PARN: variants seen among roughly 807,000 people sequenced by gnomAD.
PARN encodes the protein poly(A)-specific ribonuclease PARN.
Under a neutral mutation model 102.8 loss-of-function variants are expected in PARN, and 71 were observed. The ratio of observed to expected loss-of-function variants is 0.69; its 90% CI spans 0.57 to 0.84. The LOEUF (loss-of-function observed/expected upper bound fraction) is 0.84. PARN is among the 40% of genes least tolerant of loss of function. The pLI, the probability that PARN is intolerant of heterozygous loss-of-function variation, is 0.00. For synonymous variants in PARN, 261 were observed against 252.9 expected (o/e 1.03, Z -0.30); for missense variants, 782 against 760.9 (o/e 1.03, Z -0.33).
At chr16:14,514,096 A>C (rs1413715513) in intron 21 of PARN, among the ~76,000 whole-genome samples, 3 of 152,236 alleles carry the variant, frequency 2.0e-5, no homozygotes, top group Non-Finnish European at 4.4e-5. Flanking sequence ...GTATGGACAA[A>C]AGGAAACAAT....
chr16:14,543,120 T>C (rs767779393), intron 21 of PARN, among the ~76,000 whole-genome samples: 1 of 152,172 alleles, frequency 6.6e-6, no homozygotes, highest in African/African-American at 2.4e-5. Flanking sequence ...ACAATTCAAA[T>C]GACACAAACA....
At chr16:14,547,245 T>A (rs1192834595) in intron 21 of PARN, among the ~76,000 whole-genome samples, 1 of 152,118 alleles carries the variant, frequency 6.6e-6, no homozygotes, top group South Asian at 2.1e-4. Flanking sequence ...TAATGCTAAA[T>A]GCACAGCTTG....
At chr16:14,468,222 C>T (rs1190248472) in intron 22 of PARN, among the ~76,000 whole-genome samples, 5 of 152,168 alleles carry the variant, frequency 3.3e-5, no homozygotes, top group Non-Finnish European at 5.9e-5. Flanking sequence ...GGTTTTGTGA[C>T]TCTGAGCAAG....
At chr16:14,501,511 T>TAGAAA (rs1380053700) in intron 21 of PARN, 1 of 103,082 alleles carries the variant, frequency 9.7e-6, no homozygotes, top group Non-Finnish European at 2.1e-5. Flanking sequence ...GCATGAAAAA[T>TAGAAA]AGAAAAGAAA....
intron 5 of PARN, among the ~76,000 whole-genome samples, chr16:14,625,469 C>G (rs962891594): frequency 2.0e-5 from 3 of 152,052 alleles, no homozygotes; most frequent in Non-Finnish European, 4.4e-5. Flanking sequence ...CACACTCTAG[C>G]CTGGACAAGA....
Position 14,584,712 on chromosome 16 carries a change from T to C in PARN, c.1005+37A>G, listed in dbSNP as rs199506052. The C allele has an allele frequency of 1.3e-5, 19 of 1,445,704 alleles. 1 individual carries two copies. The highest frequency in any genetic ancestry group is 1.7e-4 in the Middle Eastern group (1 of 5,732). The allele number at this position is 1,445,704 out of a possible 1,614,324, so 89.6% of individuals were successfully genotyped here. ...TTCTGGCATTCATTTCACTCAGTAA[T>C]ATGCAGTCGCTTTATAAAGTAGCAA... is the stretch of plus-strand genomic sequence containing the variant. On this transcript the variant is annotated intron_variant, in intron 15 of 23. Transcript: ENST00000437198.
intron 12 of PARN, among the ~76,000 whole-genome samples, chr16:14,597,901 T>C (rs1329788839): frequency 3.9e-5 from 6 of 152,034 alleles, no homozygotes; most frequent in Non-Finnish European, 5.9e-5. Flanking sequence ...CCCAGTATCT[T>C]GGGAGGCTGA....
intron 22 of PARN, among the ~76,000 whole-genome samples, chr16:14,473,999 T>C (rs1305558347): frequency 6.6e-6 from 1 of 152,116 alleles, no homozygotes; most frequent in Non-Finnish European, 1.5e-5. Context: ...GGGCCAATGA[T>C]TCTTTTTTTT....
Position 14,584,196 on chromosome 16 carries a change from A to G in PARN, c.1081+151T>C, listed in dbSNP as rs140221213. On this transcript the variant is annotated intron_variant, in intron 16 of 23. Coordinates refer to ENST00000437198, the MANE Select transcript of PARN (RefSeq NM_002582.4). ...TTAAAAGACCATCTTTATTCAAAAA[A>G]CAATAATTCAACACACGGTACGTGC... 4.3e-3 allele frequency: 2,151 copies of G among 498,872 alleles called. 14 individuals are homozygous for G. The highest frequency in any genetic ancestry group is 0.013 in the Middle Eastern group (30 of 2,336). The allele number at this position is 498,872 out of a possible 1,614,324, so 30.9% of individuals were successfully genotyped here. A position where few individuals can be genotyped will look rare whatever the true frequency, so the allele number is the denominator to read the frequency against.
chr16:14,601,114 G>A (rs1269295103), intron 11 of PARN, among the ~76,000 whole-genome samples: 1 of 152,050 alleles, frequency 6.6e-6, no homozygotes, highest in South Asian at 2.1e-4. Flanking sequence ...TCCATTTCTG[G>A]GTATATACCC....
chr16:14,499,336 G>C (rs1048507210), intron 21 of PARN, among the ~76,000 whole-genome samples: 1 of 152,170 alleles, frequency 6.6e-6, no homozygotes, highest in Non-Finnish European at 1.5e-5. Context: ...GGGAGAGAGC[G>C]GGACAGAGAG....
intron 23 of PARN, 125 bp downstream of exon 23, chr16:14,446,763 G>T: frequency 1.6e-6 from 1 of 616,506 alleles, no homozygotes; most frequent in Non-Finnish European, 2.8e-6. Flanking sequence ...TATCTGCTTT[G>T]GTGGAAGACT....
intron 5 of PARN, among the ~76,000 whole-genome samples, chr16:14,623,219 T>C (rs999758783): frequency 2.0e-5 from 3 of 151,056 alleles, no homozygotes; most frequent in South Asian, 2.1e-4. Context: ...GAAAAGGATA[T>C]AAGAAGGGAA....
At chr16:14,531,056 T>A (rs1028732058) in intron 21 of PARN, among the ~76,000 whole-genome samples, 1 of 152,002 alleles carries the variant, frequency 6.6e-6, no homozygotes, top group African/African-American at 2.4e-5. Context: ...CAGCTTACAT[T>A]TGTCAAAAGG....
intron 11 of PARN, among the ~76,000 whole-genome samples, chr16:14,603,210 G>A (rs1283274875): frequency 6.6e-6 from 1 of 152,202 alleles, no homozygotes; most frequent in Middle Eastern, 3.4e-3. Flanking sequence ...TTACAGTCAT[G>A]AGCCATCACA....
At chr16:14,464,262 A>G (rs1306430093) in intron 22 of PARN, among the ~76,000 whole-genome samples, 2 of 152,242 alleles carry the variant, frequency 1.3e-5, no homozygotes, top group Non-Finnish European at 2.9e-5. Context: ...AAATTACTCA[A>G]AACTCATGAT....
intron 17 of PARN, 123 bp downstream of exon 17, chr16:14,582,058 A>G (rs944595317): frequency 1.2e-5 from 9 of 732,622 alleles, no homozygotes; most frequent in African/African-American, 1.0e-4. Context: ...GAACATGAGA[A>G]ATAAATGTCT....
At chr16:14,466,689 A>G (rs149214947) in intron 22 of PARN, among the ~76,000 whole-genome samples, 1 of 152,324 alleles carries the variant, frequency 6.6e-6, no homozygotes, top group African/African-American at 2.4e-5. Context: ...ACCTCCATCC[A>G]TCTGAGTTAC....
intron 23 of PARN, among the ~76,000 whole-genome samples, chr16:14,446,007 T>C (rs143910558): frequency 6.6e-6 from 1 of 152,250 alleles, no homozygotes; most frequent in Non-Finnish European, 1.5e-5. Flanking sequence ...CAGTTACACA[T>C]TAAGCACTGT....
Sources: gnomAD v4.1 joint callset for allele counts (sites outside exome capture counted in the v4.1 genomes callset) on GRCh38, gnomAD v4.1.1 for gene constraint, MANE v1.5 for transcripts, NCBI Gene and HGNC (gene_info 2026-07-23, HGNC 2026-07-21) for gene names.